Variants in ADGRA2 observed in about 807,000 individuals in gnomAD.
ADGRA2 encodes adhesion G protein-coupled receptor A2.
ADGRA2 carries 61 observed loss-of-function variants against 98.7 expected under a neutral mutation model. The ratio of observed to expected loss-of-function variants is 0.62; its 90% CI spans 0.50 to 0.76. The LOEUF (loss-of-function observed/expected upper bound fraction) is 0.76. Among genes scored for constraint, ADGRA2 ranks in the 30% least tolerant of loss-of-function variants. ADGRA2 has a pLI of 0.00. For synonymous variants in ADGRA2, 858 were observed against 831.5 expected (o/e 1.03, Z -0.55); for missense variants, 1,712 against 1,860.0 (o/e 0.92, Z 1.46).
intron 2 of ADGRA2, among the ~76,000 whole-genome samples, chr8:37,815,396 G>A (rs1343537946): frequency 6.6e-6 from 1 of 152,242 alleles, no homozygotes; most frequent in African/African-American, 2.4e-5. Flanking sequence ...AGGGGGCTGA[G>A]GGTGGGGAAG....
chr8:37,824,489 ATTTT>A (rs34639785), intron 2 of ADGRA2, among the ~76,000 whole-genome samples: 1 of 114,684 alleles, frequency 8.7e-6, no homozygotes. Context: ...CTAAGGTGCA[ATTTT>A]TTTTTTTTTT....
At chr8:37,820,617 CCA>C (rs1272035306) in intron 2 of ADGRA2, among the ~76,000 whole-genome samples, 4 of 152,238 alleles carry the variant, frequency 2.6e-5, no homozygotes, top group African/African-American at 9.6e-5. Flanking sequence ...ACTTAACATC[CCA>C]CAGTCTATGA....
In ADGRA2 at chr8:37,841,504, G is replaced by A. The variant is rs752071465; in HGVS notation, c.3166G>A (p.Val1056Met). 2.5e-6 allele frequency: 4 copies of A among 1,612,986 alleles called. No homozygotes were observed. The highest frequency in any genetic ancestry group is 3.4e-6 in the Non-Finnish European group (4 of 1,179,880). The change falls in exon 19 of 19, where the codon GTG becomes ATG. Residue 1056 changes from valine to methionine, a missense_variant. Transcript: ENST00000412232. The surrounding 1 kb of genome is among the most constrained non-coding windows in gnomAD (Gnocchi z 5.0). Reference protein sequence around the residue: ...PRVVCSCLYGVAASALGLFVF... With the variant: ...PRVVCSCLYGMAASALGLFVF... ...GGTGGTGTGCAGCTGCTTGTACGGG[G>A]TGGCAGCCTCCGCCCTGGGCCTCTT...
chr8:37,834,681 G>C lies in ADGRA2; in HGVS notation c.1609-493G>C, dbSNP rs1318802457. Reference sequence around the variant, plus strand: ...GGCCGATACAGGAGGATCTCCCAAGGCCAGGAGTTGGAGACCAGCCTGGGC... The same window carrying C: ...GGCCGATACAGGAGGATCTCCCAAGCCCAGGAGTTGGAGACCAGCCTGGGC... On this transcript the variant is annotated intron_variant, in intron 11 of 18. Transcript: ENST00000412232. This position sits in a 1 kb window ranked among gnomAD's most constrained non-coding sequence, Gnocchi z 4.2. Among the ~76,000 whole-genome samples, 1 of 152,082 alleles carries C rather than the reference G, an allele frequency of 6.6e-6. No homozygotes were observed. The highest frequency in any genetic ancestry group is 1.5e-5 in the Non-Finnish European group (1 of 68,006).
At chr8:37,818,533 C>T (rs554136841) in intron 2 of ADGRA2, among the ~76,000 whole-genome samples, 2 of 152,260 alleles carry the variant, frequency 1.3e-5, no homozygotes, top group Non-Finnish European at 1.5e-5. Context: ...GATGCCGAGT[C>T]GTGCGATGTA....
rs1405417245 is a variant in ADGRA2, at chr8:37,841,248, G to A, written c.2910G>A (p.Gly970=). 1 of 1,613,444 alleles carries A rather than the reference G, an allele frequency of 6.2e-7. No homozygotes were observed. The change falls in exon 19 of 19, where the codon GGG becomes GGA. Residue 970 remains glycine (G), a synonymous_variant. Transcript: ENST00000412232. The surrounding 1 kb of genome is among the most constrained non-coding windows in gnomAD (Gnocchi z 5.0). Reference sequence around the variant, plus strand: ...ACAGCAGGGCCTCCCTGGAGGCAGGGGAGGAGCTGAGGGGTTCCACCAGGC... The same window carrying A: ...ACAGCAGGGCCTCCCTGGAGGCAGGAGAGGAGCTGAGGGGTTCCACCAGGC... ...AGNSRASLEA[G]EELRGSTRLR...
chr8:37,833,092 G>T lies in ADGRA2; in HGVS notation c.1180G>T (p.Ala394Ser), dbSNP rs747916539. Reference sequence around the variant, plus strand: ...CACCTCAGTGCCCCTGGGCGGGGGTGCCCCGGGCACCCGAGCCTCCCGCCG... The same window carrying T: ...CACCTCAGTGCCCCTGGGCGGGGGTTCCCCGGGCACCCGAGCCTCCCGCCG... ...PFTSVPLGGG[A>S]PGTRASRRCD... is the part of the protein sequence containing the mutation. The change falls in exon 9 of 19, where the codon GCC becomes TCC. Residue 394 changes from alanine (A) to serine (S), a missense_variant. Transcript: ENST00000412232. The T allele has an allele frequency of 3.1e-6, 5 of 1,611,246 alleles. No individual in the cohort carries two copies. The Admixed American group carries it at 5.0e-5, about 16-fold the overall frequency.
chr8:37,805,740 G>A (rs536276542), intron 1 of ADGRA2, among the ~76,000 whole-genome samples: 192 of 151,908 alleles, frequency 1.3e-3, no homozygotes, highest in African/African-American at 4.3e-3. Flanking sequence ...GTAGTGGTGC[G>A]CGCCTGTAAT....
intron 2 of ADGRA2, among the ~76,000 whole-genome samples, chr8:37,819,598 T>C (rs191140417): frequency 6.6e-6 from 1 of 152,286 alleles, no homozygotes; most frequent in African/African-American, 2.4e-5. Context: ...TCTCGATCTC[T>C]TCACCTTGTG....
Position 37,797,263 on chromosome 8 carries a change from G to C in ADGRA2, c.-6G>C. 1 of 1,262,222 alleles carries C rather than the reference G, an allele frequency of 7.9e-7. No individual in the cohort carries two copies. Among genetic ancestry groups the C allele is most frequent in the Non-Finnish European group, 9.9e-7 (1 of 1,008,010 alleles). 78.2% of individuals were successfully genotyped at this position (1,262,222 alleles called of 1,614,324 possible). ...GCGCTGTGGGTCCCCGCGGGGCGAT[G>C]GGTTGATGGGCGCCGGGGGACGCAG... is the stretch of plus-strand genomic sequence containing the variant. On this transcript the variant is annotated 5_prime_UTR_variant, in exon 1 of 19. An upstream start codon of the reference 5' UTR is lost. Coordinates refer to ENST00000412232, the MANE Select transcript of ADGRA2 (RefSeq NM_032777.10). This position sits in a 1 kb window ranked among gnomAD's most constrained non-coding sequence, Gnocchi z 5.3.
chr8:37,809,134 AT>A (rs894754911), intron 1 of ADGRA2, among the ~76,000 whole-genome samples: 10 of 149,686 alleles, frequency 6.7e-5, no homozygotes, highest in South Asian at 6.3e-4. Flanking sequence ...CTACAAAAAC[AT>A]TTTTTTTTTA....
At chr8:37,804,141 A>ACACACACACACACC (rs1804593648) in intron 1 of ADGRA2, among the ~76,000 whole-genome samples, 1 of 151,010 alleles carries the variant, frequency 6.6e-6, no homozygotes. Flanking sequence ...ACACACACAC[A>ACACACACACACACC]CACACACACA....
At chr8:37,828,417 G>T (rs1405454357) in intron 2 of ADGRA2, among the ~76,000 whole-genome samples, 1 of 150,220 alleles carries the variant, frequency 6.7e-6, no homozygotes, top group Non-Finnish European at 1.5e-5. Context: ...TCCTCTCTCT[G>T]TTCTGACCAG....
chr8:37,822,743 G>A (rs549924735), intron 2 of ADGRA2, among the ~76,000 whole-genome samples: 1 of 152,222 alleles, frequency 6.6e-6, no homozygotes, highest in South Asian at 2.1e-4. Flanking sequence ...TTCATAACTC[G>A]ATTCTTTCAG....
Position 37,841,019 on chromosome 8 carries a change from AC to A in ADGRA2, c.2748-63del. ...CTCACCATATCCTGTCTCCCCAACCACCCCGGCCCCCAGCCCCACCCCAGCC... is the reference window on the plus strand; with the variant it reads ...CTCACCATATCCTGTCTCCCCAACCACCCGGCCCCCAGCCCCACCCCAGCC... On this transcript the variant is annotated intron_variant, in intron 18 of 18. Coordinates refer to ENST00000412232, the MANE Select transcript of ADGRA2 (RefSeq NM_032777.10). The surrounding 1 kb of genome is among the most constrained non-coding windows in gnomAD (Gnocchi z 5.0). 1.5e-6 allele frequency: 2 copies of A among 1,344,838 alleles called. No individual in the cohort carries two copies. The highest frequency in any genetic ancestry group is 2.6e-5 in the South Asian group (2 of 76,494). 83.3% of individuals were successfully genotyped at this position (1,344,838 alleles called of 1,614,324 possible).
At position 37,837,947 on chromosome 8, in the gene ADGRA2, T is replaced by G; in HGVS notation, c.2259+8T>G. 4.2e-6 allele frequency: 6 copies of G among 1,442,518 alleles called. No homozygotes were observed. In the South Asian group the frequency reaches 4.4e-5, roughly 11 times the overall value. 89.4% of individuals were successfully genotyped at this position (1,442,518 alleles called of 1,614,324 possible). On this transcript the variant is annotated splice_region_variant and intron_variant, in intron 14 of 18. Transcript: ENST00000412232. Reference sequence around the variant, plus strand: ...AATGTGGCCGTGCTCATGGTGGGTGTGAGGAGGGGTGACAAGTCGGGGGGG... The same window carrying G: ...AATGTGGCCGTGCTCATGGTGGGTGGGAGGAGGGGTGACAAGTCGGGGGGG...
chr8:37,835,075 G>T, intron 11 of ADGRA2, 99 bp from the exon 12 acceptor site: 2 of 784,654 alleles, frequency 2.5e-6, no homozygotes, highest in East Asian at 5.2e-5. Context: ...GGATTGAAGG[G>T]GAGGACTACA....
Position 37,830,669 on chromosome 8 carries a change from C to T in ADGRA2, c.719-41C>T, listed in dbSNP as rs200917449. On this transcript the variant is annotated intron_variant, in intron 6 of 18. Transcript: ENST00000412232. This position sits in a 1 kb window ranked among gnomAD's most constrained non-coding sequence, Gnocchi z 4.8. ...TCGCTCACACGTGCAGCCTCACATG[C>T]GTGTGCACTCGGGCCTCACGCCTGG... 2.7e-5 allele frequency: 30 copies of T among 1,129,088 alleles called. No individual in the cohort carries two copies. Among genetic ancestry groups the T allele is most frequent in the Admixed American group, 8.7e-5 (4 of 46,160 alleles). 69.9% of individuals were successfully genotyped at this position (1,129,088 alleles called of 1,614,324 possible).
chr8:37,799,354 G>A (rs1585959238), intron 1 of ADGRA2, among the ~76,000 whole-genome samples: 2 of 149,692 alleles, frequency 1.3e-5, no homozygotes, highest in South Asian at 2.1e-4. Context: ...CAGCCTGGGC[G>A]ACAGAGCGAG....
Sources: allele counts gnomAD v4.1 joint callset (sites outside exome capture counted in the v4.1 genomes callset), GRCh38; gene constraint gnomAD v4.1.1; non-coding constraint Gnocchi (gnomAD v3.1); transcripts MANE v1.5; gene names NCBI Gene and HGNC (gene_info 2026-07-23, HGNC 2026-07-21).